Variants in CFI observed in about 807,000 individuals in gnomAD.
CFI encodes C3B/C4B inactivator.
Under a neutral mutation model 78.8 loss-of-function variants are expected in CFI, and 66 were observed. The ratio of observed to expected loss-of-function variants is 0.84; its 90% confidence interval spans 0.69 to 1.03. The LOEUF (loss-of-function observed/expected upper bound fraction) is 1.03. Ranked by LOEUF, CFI falls within the 50% of genes least tolerant of loss-of-function variation. The probability of loss-of-function intolerance (pLI) is 0.00; values close to 1 mark genes in which losing one functional copy is unlikely to be tolerated. For synonymous variants in CFI, 250 were observed against 232.6 expected (o/e 1.07, Z -0.68); for missense variants, 706 against 704.5 (o/e 1.00, Z -0.02).
intron 7 of CFI, among the ~76,000 whole-genome samples, chr4:109,755,627 T>C (rs769848589): frequency 2.6e-5 from 4 of 152,120 alleles, no homozygotes; most frequent in Non-Finnish European, 5.9e-5. Flanking sequence ...TCTCTTGCCC[T>C]TCAACCTCCT....
At chr4:109,750,489 C>T (rs546129470) in intron 8 of CFI, among the ~76,000 whole-genome samples, 6 of 152,112 alleles carry the variant, frequency 3.9e-5, no homozygotes, top group Non-Finnish European at 7.4e-5. Context: ...AGTGGGTTAG[C>T]GGGCTGGGGA....
chr4:109,759,980 T>C (rs116750895), intron 6 of CFI: 1 of 522,478 alleles, frequency 1.9e-6, no homozygotes, highest in Non-Finnish European at 3.5e-6. Context: ...ATTGGCAAAC[T>C]ATCAATAACT....
chr4:109,788,630 C>A (rs1329764545), intron 1 of CFI, among the ~76,000 whole-genome samples: 1 of 151,928 alleles, frequency 6.6e-6, no homozygotes, highest in Non-Finnish European at 1.5e-5. Context: ...TGTCCCACAG[C>A]ACAGACACTT....
At chr4:109,770,369 G>A (rs1207150426) in intron 1 of CFI, among the ~76,000 whole-genome samples, 1 of 151,918 alleles carries the variant, frequency 6.6e-6, no homozygotes, top group Non-Finnish European at 1.5e-5. Context: ...AGACCAACCT[G>A]GCTAACATGG....
At chr4:109,763,283 A>G (rs1727312481) in intron 3 of CFI, among the ~76,000 whole-genome samples, 1 of 152,128 alleles carries the variant, frequency 6.6e-6, no homozygotes, top group Non-Finnish European at 1.5e-5. Flanking sequence ...GAAGGTGAGG[A>G]CTTCCTAAAT....
Position 109,749,250 on chromosome 4 carries a change from G to A in CFI, c.1116C>T (p.Gly372=). The change falls in exon 10 of 13, where the codon GGC becomes GGT. Residue 372 remains glycine (G), a synonymous_variant. Coordinates refer to ENST00000394634, the MANE Select transcript of CFI (RefSeq NM_000204.5). ...GITCGGIYIG[G]CWILTAAHCL... is the part of the protein sequence containing the mutation. The stretch of plus-strand genomic sequence containing the variant: ...AATGTGCAGCAGTCAGAATCCAACA[G>A]CCACCAATATAAATTCCCCCACAGG... 1 of 1,614,108 alleles carries A rather than the reference G, an allele frequency of 6.2e-7. No homozygotes were observed. Among genetic ancestry groups the A allele is most frequent in the Non-Finnish European group, 8.5e-7 (1 of 1,180,000 alleles).
At chr4:109,772,782 C>T (rs1259567580) in intron 1 of CFI, among the ~76,000 whole-genome samples, 1 of 152,096 alleles carries the variant, frequency 6.6e-6, no homozygotes, top group African/African-American at 2.4e-5. Context: ...TGGGGCCTCA[C>T]TATGTTGCCC....
chr4:109,797,322 G>A (rs1732179072), intron 1 of CFI, among the ~76,000 whole-genome samples: 1 of 152,140 alleles, frequency 6.6e-6, no homozygotes, highest in African/African-American at 2.4e-5. Context: ...AATATATAAT[G>A]GGTGAAGAAT....
rs114478743 is a variant in CFI, at chr4:109,795,236, C to A, written c.57+6679G>T. On this transcript the variant is annotated intron_variant, in intron 1 of 12. Coordinates refer to ENST00000394634, the MANE Select transcript of CFI (RefSeq NM_000204.5). ...CAGTGACGGTGGCACCAGGCCTGCC[C>A]GTGGACCACAGCACCGAGCCCACTG... is the stretch of plus-strand genomic sequence containing the variant. Among the ~76,000 whole-genome samples, 687 of 152,244 alleles carry A rather than the reference C, an allele frequency of 4.5e-3. 2 individuals carry two copies. Among genetic ancestry groups the A allele is most frequent in the African/African-American group, 0.016 (665 of 41,542 alleles).
At position 109,784,188 on chromosome 4, in the gene CFI, T is replaced by TA. The variant is rs1161024956; in HGVS notation, c.58-17365dup. ...TGTACCCTAATAACTAATGGAAAAATAAAAAAATAAATAAAAAGAAGTGAT... is the reference window on the plus strand; with the variant it reads ...TGTACCCTAATAACTAATGGAAAAATAAAAAAAATAAATAAAAAGAAGTGAT... On this transcript the variant is annotated intron_variant, in intron 1 of 12. Transcript: ENST00000394634. Among the ~76,000 whole-genome samples, 6 of 151,448 alleles carry TA rather than the reference T, an allele frequency of 4.0e-5. No homozygotes were observed. The South Asian group carries it at 6.3e-4, about 16-fold the overall frequency.
chr4:109,742,315 A>G (rs1723897949), intron 12 of CFI, 176 bp downstream of exon 12: 2 of 629,428 alleles, frequency 3.2e-6, no homozygotes, highest in Non-Finnish European at 5.7e-6. Flanking sequence ...TCATAGTATT[A>G]GAGGAAGAAA....
intron 8 of CFI, among the ~76,000 whole-genome samples, chr4:109,751,209 A>T (rs1040966464): frequency 5.9e-5 from 9 of 152,104 alleles, no homozygotes; most frequent in Admixed American, 1.3e-4. Flanking sequence ...TGTGAAACAC[A>T]TGGATAGAAG....
chr4:109,760,689 C>T, intron 4 of CFI, 53 bp from the exon 5 acceptor site: 1 of 1,020,196 alleles, frequency 9.8e-7, no homozygotes, highest in Non-Finnish European at 1.6e-6. Flanking sequence ...GGTGGCATGA[C>T]ATCCTTATCA....
intron 7 of CFI, among the ~76,000 whole-genome samples, chr4:109,753,713 T>A (rs1179065406): frequency 9.1e-6 from 1 of 109,918 alleles, no homozygotes; most frequent in Non-Finnish European, 1.7e-5. Flanking sequence ...ATATTATATA[T>A]TATATAATGT....
At chr4:109,756,890 A>G (rs1726245667) in intron 7 of CFI, among the ~76,000 whole-genome samples, 1 of 16,628 alleles carries the variant, frequency 6.0e-5, no homozygotes, top group Non-Finnish European at 1.4e-4. Flanking sequence ...GAAAGAAAGG[A>G]AAGAAAGAAA....
At chr4:109,756,965 GAAAGAAAGA>G (rs1561298097) in intron 7 of CFI, among the ~76,000 whole-genome samples, 2 of 133,760 alleles carry the variant, frequency 1.5e-5, no homozygotes, top group Non-Finnish European at 3.3e-5. Context: ...AAGAAAGAAA[GAAAGAAAGA>G]AAGAAATTCT....
chr4:109,775,785 T>C (rs991624710), intron 1 of CFI, among the ~76,000 whole-genome samples: 3 of 152,082 alleles, frequency 2.0e-5, no homozygotes, highest in South Asian at 2.1e-4. Flanking sequence ...CGAGTGCCCC[T>C]CTGAGACGAA....
At chr4:109,780,040 C>T (rs909757544) in intron 1 of CFI, among the ~76,000 whole-genome samples, 2 of 152,072 alleles carry the variant, frequency 1.3e-5, no homozygotes, top group Non-Finnish European at 2.9e-5. Context: ...ACCATAAAAA[C>T]CCTAGAAGAA....
intron 6 of CFI, among the ~76,000 whole-genome samples, chr4:109,759,002 A>G (rs527751575): frequency 6.6e-6 from 1 of 152,326 alleles, no homozygotes; most frequent in South Asian, 2.1e-4. Flanking sequence ...CTGAGGTGGG[A>G]GAATCCCTTG....
Sources: gnomAD v4.1 joint callset for allele counts (sites outside exome capture counted in the v4.1 genomes callset) on GRCh38, gnomAD v4.1.1 for gene constraint, MANE v1.5 for transcripts, NCBI Gene and HGNC (gene_info 2026-07-23, HGNC 2026-07-21) for gene names.